The following POU2F1 variants were observed in gnomAD, a reference collection of about 807,000 sequenced individuals.
POU2F1 encodes POU domain, class 2, transcription factor 1.
Under a neutral mutation model 84.9 loss-of-function variants are expected in POU2F1, and 16 were observed. The ratio of observed to expected loss-of-function variants is 0.19; its 90% CI spans 0.13 to 0.29. The LOEUF is 0.29. Among genes scored for constraint, POU2F1 ranks in the 10% least tolerant of loss-of-function variants. The probability of loss-of-function intolerance (pLI) is 1.00; values close to 1 mark genes in which losing one functional copy is unlikely to be tolerated. For missense variants in POU2F1, 738 were observed against 942.6 expected, an observed-to-expected ratio of 0.78 and a Z score of 2.84; for synonymous variants, 368 against 368.3, an observed-to-expected ratio of 1.00 and a Z score of 0.01.
intron 1 of POU2F1, among the ~76,000 whole-genome samples, chr1:167,236,615 ATAC>A (rs1473495064): frequency 6.6e-6 from 1 of 152,068 alleles, no homozygotes; most frequent in African/African-American, 2.4e-5. Flanking sequence ...GCTAATTCCT[ATAC>A]CTCTTTGGAG....
chr1:167,395,106 A>G (rs1648709569), intron 9 of POU2F1, among the ~76,000 whole-genome samples: 1 of 152,196 alleles, frequency 6.6e-6, no homozygotes, highest in Non-Finnish European at 1.5e-5. Context: ...AAACTCCGTG[A>G]GCCTCTGTTT....
At chr1:167,321,340 T>C (rs1656297905) in intron 1 of POU2F1, among the ~76,000 whole-genome samples, 1 of 152,216 alleles carries the variant, frequency 6.6e-6, no homozygotes, top group African/African-American at 2.4e-5. Flanking sequence ...AAATGCAAAC[T>C]GTTCACAGTC....
chr1:167,283,912 A>G (rs1268429728), intron 1 of POU2F1, among the ~76,000 whole-genome samples: 1 of 152,170 alleles, frequency 6.6e-6, no homozygotes, highest in East Asian at 1.9e-4. Context: ...TTTGTTCCTT[A>G]TCCCTACAGT....
intron 1 of POU2F1, among the ~76,000 whole-genome samples, chr1:167,302,812 A>G (rs966835601): frequency 1.4e-4 from 21 of 152,198 alleles, no homozygotes; most frequent in Admixed American, 1.3e-3. Flanking sequence ...CTATAATAGT[A>G]CAAGTATATG....
At chr1:167,352,669 T>C (rs1210282493) in intron 2 of POU2F1, among the ~76,000 whole-genome samples, 11 of 150,846 alleles carry the variant, frequency 7.3e-5, no homozygotes. Flanking sequence ...TGATTAGTTC[T>C]TTTTAATGTC....
At chr1:167,407,960 A>G (rs150646867) in intron 13 of POU2F1, among the ~76,000 whole-genome samples, 2,223 of 152,358 alleles carry the variant, frequency 0.015, 31 homozygotes, top group Middle Eastern at 0.031. Flanking sequence ...AGACTGAGAG[A>G]AAACATTTGC....
intron 1 of POU2F1, among the ~76,000 whole-genome samples, chr1:167,314,583 C>A (rs977731906): frequency 3.3e-5 from 5 of 152,006 alleles, no homozygotes; most frequent in Non-Finnish European, 7.4e-5. Context: ...TCCATACCAT[C>A]CTGGGCCACA....
intron 2 of POU2F1, among the ~76,000 whole-genome samples, chr1:167,342,801 T>C (rs1027100070): frequency 6.6e-5 from 10 of 152,338 alleles, no homozygotes; most frequent in Non-Finnish European, 1.2e-4. Context: ...TTTTAAAATT[T>C]ATTACATATT....
intron 2 of POU2F1, among the ~76,000 whole-genome samples, chr1:167,360,823 C>T (rs762100478): frequency 3.0e-4 from 45 of 152,116 alleles, no homozygotes; most frequent in Non-Finnish European, 5.4e-4. Context: ...TTCCAACCCT[C>T]GCTCATGGAA....
chr1:167,252,570 C>T (rs1650811007), intron 1 of POU2F1, among the ~76,000 whole-genome samples: 1 of 152,126 alleles, frequency 6.6e-6, no homozygotes. Flanking sequence ...CTATTAAACT[C>T]CATTGTTGGT....
At chr1:167,266,025 C>G (rs1001586245) in intron 1 of POU2F1, among the ~76,000 whole-genome samples, 1 of 152,216 alleles carries the variant, frequency 6.6e-6, no homozygotes, top group African/African-American at 2.4e-5. Flanking sequence ...CACTTTTAAA[C>G]AAATATAACT....
At chr1:167,364,614 A>G (rs113521530) in intron 2 of POU2F1, among the ~76,000 whole-genome samples, 11,265 of 125,120 alleles carry the variant, frequency 0.09, 1,591 homozygotes, top group African/African-American at 0.32. Flanking sequence ...TTTTAGCTCT[A>G]TTACCCAGGC....
At chr1:167,402,356 A>T (rs551465441) in intron 13 of POU2F1, among the ~76,000 whole-genome samples, 1 of 152,270 alleles carries the variant, frequency 6.6e-6, no homozygotes, top group African/African-American at 2.4e-5. Flanking sequence ...CCCATGTTTT[A>T]AGTTTACAAT....
intron 4 of POU2F1, among the ~76,000 whole-genome samples, 157 bp from the exon 5 acceptor site, chr1:167,371,760 G>A (rs1270188318): frequency 1.3e-5 from 2 of 152,210 alleles, no homozygotes; most frequent in African/African-American, 2.4e-5. Flanking sequence ...AACTTGGTAT[G>A]TGAAACTAGG....
At chr1:167,360,939 A>G (rs796143633) in intron 2 of POU2F1, among the ~76,000 whole-genome samples, 3 of 151,486 alleles carry the variant, frequency 2.0e-5, no homozygotes, top group African/African-American at 4.8e-5. Context: ...AGCTGGTTTT[A>G]TTTTATTTTA....
At chr1:167,292,585 A>T (rs1341453544) in intron 1 of POU2F1, among the ~76,000 whole-genome samples, 1 of 151,988 alleles carries the variant, frequency 6.6e-6, no homozygotes, top group African/African-American at 2.4e-5. Context: ...ATTCCAAAAG[A>T]TTGAGAAAGA....
chr1:167,282,763 G>A (rs965341642), intron 1 of POU2F1, among the ~76,000 whole-genome samples: 3 of 152,110 alleles, frequency 2.0e-5, no homozygotes, highest in African/African-American at 7.2e-5. Flanking sequence ...TTCCTATAGG[G>A]TTTAGATATT....
At chr1:167,240,714 C>T (rs932201317) in intron 1 of POU2F1, among the ~76,000 whole-genome samples, 1 of 152,128 alleles carries the variant, frequency 6.6e-6, no homozygotes, top group Non-Finnish European at 1.5e-5. Context: ...CCTTTGGTGT[C>T]CCAATGAAGT....
chr1:167,275,032 A>ATT (rs11413742), intron 1 of POU2F1, among the ~76,000 whole-genome samples: 19 of 112,468 alleles, frequency 1.7e-4, no homozygotes, highest in Non-Finnish European at 2.2e-4. Flanking sequence ...AAATAAATGT[A>ATT]TTTTTTTTTT....
Sources: allele counts gnomAD v4.1 joint callset (sites outside exome capture counted in the v4.1 genomes callset), GRCh38; gene constraint gnomAD v4.1.1; transcripts MANE v1.5; gene names NCBI Gene and HGNC (gene_info 2026-07-23, HGNC 2026-07-21).